The following KIF1A variants were observed in gnomAD, a reference collection of about 807,000 sequenced individuals.
KIF1A encodes the protein kinesin family member 1A, also known as kinesin-like protein KIF1A.
Under a neutral mutation model 227.3 loss-of-function variants are expected in KIF1A, and 46 were observed. The observed-to-expected ratio is 0.20, with a 90% CI of 0.16 to 0.26. The LOEUF is 0.26. Among genes scored for constraint, KIF1A ranks in the 10% least tolerant of loss-of-function variants. KIF1A has a pLI of 1.00. For missense variants in KIF1A, 1,683 were observed against 2,485.9 expected (o/e 0.68, Z 6.87); for synonymous variants, 1,022 against 1,012.8 (o/e 1.01, Z -0.17).
chr2:240,725,499 A>G lies in KIF1A; in HGVS notation c.4123-95T>C. ...CCTGGGGGCACAATGCCCAGCACCGACAGGCAGCCCCAGGGCCTTCCCAGG... is the reference window on the plus strand; with the variant it reads ...CCTGGGGGCACAATGCCCAGCACCGGCAGGCAGCCCCAGGGCCTTCCCAGG... On this transcript the variant is annotated intron_variant, in intron 39 of 48. Transcript: ENST00000498729. This position sits in a 1 kb window ranked among gnomAD's most constrained non-coding sequence, Gnocchi z 5.8. 4 of 1,415,430 alleles carry G rather than the reference A, an allele frequency of 2.8e-6. No homozygotes were observed. In the South Asian group the frequency reaches 3.9e-5, roughly 14 times the overall value. The allele number at this position is 1,415,430 out of a possible 1,614,324, so 87.7% of individuals were successfully genotyped here. A position where few individuals can be genotyped will look rare whatever the true frequency, so the allele number is the denominator to read the frequency against.
intron 38 of KIF1A, among the ~76,000 whole-genome samples, chr2:240,733,578 C>T (rs1252025255): frequency 2.0e-5 from 3 of 152,166 alleles, no homozygotes; most frequent in Non-Finnish European, 4.4e-5. Flanking sequence ...GACTCTGGCC[C>T]GGCCACCCCT....
chr2:240,780,816 ACACACACACAGCTC>A (rs1438138040), intron 10 of KIF1A, among the ~76,000 whole-genome samples: 63 of 113,330 alleles, frequency 5.6e-4, no homozygotes, highest in African/African-American at 2.7e-3. Context: ...ACACACACAC[ACACACACACAGCTC>A]CACACACACA....
intron 47 of KIF1A, among the ~76,000 whole-genome samples, chr2:240,718,476 C>G (rs186218508): frequency 6.8e-4 from 103 of 152,332 alleles, no homozygotes; most frequent in African/African-American, 2.4e-3. Context: ...TGGGTTCACA[C>G]CACCCACTCC....
intron 17 of KIF1A, among the ~76,000 whole-genome samples, chr2:240,767,673 T>G (rs1040469570): frequency 6.6e-6 from 1 of 152,244 alleles, no homozygotes; most frequent in Non-Finnish European, 1.5e-5. Flanking sequence ...GTGGGGGCCC[T>G]GGGGCCCTCT....
intron 1 of KIF1A, among the ~76,000 whole-genome samples, chr2:240,798,488 T>C (rs2056645739): frequency 6.6e-6 from 1 of 152,200 alleles, no homozygotes; most frequent in Admixed American, 6.5e-5. Flanking sequence ...GGGAATTCGG[T>C]ACAAGCCAGG....
intron 10 of KIF1A, among the ~76,000 whole-genome samples, chr2:240,781,469 A>AGCTC (rs2053987653): frequency 1.7e-5 from 2 of 115,070 alleles, no homozygotes; most frequent in Non-Finnish European, 3.7e-5. Context: ...AGCTCCACAC[A>AGCTC]CACACACACA....
Position 240,766,749 on chromosome 2 carries a change from T to TCTCACACACA in KIF1A, c.1684+165_1684+166insTGTGTGTGAG, listed in dbSNP as rs1454271542. On this transcript the variant is annotated intron_variant, in intron 19 of 48. Transcript: ENST00000498729. This position sits in a 1 kb window ranked among gnomAD's most constrained non-coding sequence, Gnocchi z 5.0. Reference sequence around the variant, plus strand: ...CTCTCTCTCTCTCTCTCTCTCTCTCTCACACACACACACACACACACACAC... The same window carrying TCTCACACACA: ...CTCTCTCTCTCTCTCTCTCTCTCTCTCTCACACACACACACACACACACACACACACACAC... Among the ~76,000 whole-genome samples, 29 of 109,016 alleles carry TCTCACACACA rather than the reference T, an allele frequency of 2.7e-4. 1 individual carries two copies. The highest frequency in any genetic ancestry group is 1.1e-3 in the African/African-American group (27 of 24,162). 71.5% of individuals were successfully genotyped at this position (109,016 alleles called of 152,430 possible). A position where few individuals can be genotyped will look rare whatever the true frequency, so the allele number is the denominator to read the frequency against.
Position 240,783,781 on chromosome 2 carries a change from G to A in KIF1A, c.756C>T (p.Ser252=), listed in dbSNP as rs555641774. The A allele has an allele frequency of 3.8e-5, 60 of 1,588,774 alleles. No individual in the cohort carries two copies. The highest frequency in any genetic ancestry group is 1.9e-4 in the Admixed American group (11 of 57,162). ...SKISLVDLAG[S]ERADSTGAKG... is the part of the protein sequence containing the mutation. ...TGGCTCCCGTGGAGTCAGCCCGCTC[G>A]CTCCCAGCCAGGTCCACCAGGCTGA... Residue 252 remains serine, a synonymous_variant, in exon 8 of 49, where the codon AGC becomes AGT. Transcript: ENST00000498729.
intron 13 of KIF1A, 49 bp downstream of exon 13, chr2:240,773,065 G>A (rs2052226097): frequency 6.5e-7 from 1 of 1,545,138 alleles, no homozygotes; most frequent in African/African-American, 1.4e-5. Context: ...AGGCCCCTGA[G>A]CCTGAGGCCC....
In KIF1A at chr2:240,721,723, T is replaced by A. The variant is rs995287045; in HGVS notation, c.4743+84A>T. The A allele has an allele frequency of 4.5e-6, 5 of 1,111,424 alleles. No individual in the cohort carries two copies. The African/African-American group carries it at 7.7e-5, about 17-fold the overall frequency. The allele number at this position is 1,111,424 out of a possible 1,614,324, so 68.8% of individuals were successfully genotyped here. On this transcript the variant is annotated intron_variant, in intron 44 of 48. Coordinates refer to ENST00000498729, the MANE Select transcript of KIF1A (RefSeq NM_001244008.2). ...AAACTCTTAACTGCCTTTTCCCACTTGGAATGGGAGTTTTCCTCAGGGACC... is the reference window on the plus strand; with the variant it reads ...AAACTCTTAACTGCCTTTTCCCACTAGGAATGGGAGTTTTCCTCAGGGACC...
intron 23 of KIF1A, among the ~76,000 whole-genome samples, chr2:240,761,753 A>G (rs914629303): frequency 6.6e-6 from 1 of 152,200 alleles, no homozygotes; most frequent in Non-Finnish European, 1.5e-5. Context: ...GCATGCCCCA[A>G]AGGAGAGGCC....
intron 13 of KIF1A, 143 bp from the exon 14 acceptor site, chr2:240,772,739 C>T: frequency 2.9e-6 from 2 of 689,018 alleles, no homozygotes; most frequent in South Asian, 1.8e-5. Flanking sequence ...TGAAGGTCTT[C>T]AGCTCCAGAA....
intron 8 of KIF1A, 45 bp downstream of exon 8, chr2:240,783,694 G>A: frequency 6.7e-7 from 1 of 1,484,994 alleles, no homozygotes; most frequent in Non-Finnish European, 9.2e-7. Flanking sequence ...CTCTGGAGCA[G>A]GCCAAATGTG....
chr2:240,766,949 G>A lies in KIF1A; in HGVS notation c.1650C>T (p.Cys550=), dbSNP rs542025698. Residue 550 remains cysteine, a synonymous_variant, in exon 19 of 49, where the codon TGC becomes TGT. Transcript: ENST00000498729. This position sits in a 1 kb window ranked among gnomAD's most constrained non-coding sequence, Gnocchi z 5.0. ...LSGHFIKEEH[C]VFRSDSRGGS... is the part of the protein sequence containing the mutation. The stretch of plus-strand genomic sequence containing the variant: ...CTCCCCTGGAGTCGCTCCGGAAGAC[G>A]CAGTGCTCCTCCTTGATGAAGTGCC... 11 of 1,611,892 alleles carry A rather than the reference G, an allele frequency of 6.8e-6. No individual in the cohort carries two copies. The highest frequency in any genetic ancestry group is 1.7e-5 in the Admixed American group (1 of 59,896).
chr2:240,786,835 C>CCAGCATCAGGACCCCTGAG (rs1310781016), intron 5 of KIF1A, among the ~76,000 whole-genome samples: 2 of 151,846 alleles, frequency 1.3e-5, no homozygotes, highest in African/African-American at 4.8e-5. Flanking sequence ...AGGGTGGGGG[C>CCAGCATCAGGACCCCTGAG]TGCCTGCTGA....
intron 1 of KIF1A, among the ~76,000 whole-genome samples, chr2:240,815,876 G>A (rs2058278543): frequency 1.3e-5 from 2 of 152,168 alleles, no homozygotes; most frequent in South Asian, 2.1e-4. Flanking sequence ...CGAGCCAAGC[G>A]GTGCTGTTCT....
At chr2:240,734,618 A>G (rs2047109254) in intron 38 of KIF1A, 1 of 739,888 alleles carries the variant, frequency 1.4e-6, no homozygotes. Context: ...GGAAGCTGGA[A>G]GTTAACTTCT....
At chr2:240,813,732 G>A (rs116763619) in intron 1 of KIF1A, among the ~76,000 whole-genome samples, 9,448 of 150,966 alleles carry the variant, frequency 0.063, 391 homozygotes, top group Non-Finnish European at 0.094. Flanking sequence ...CAGCCCTGCC[G>A]CTCCCGCCAA....
intron 42 of KIF1A, 68 bp downstream of exon 42, chr2:240,723,345 G>C (rs2045629549): frequency 6.9e-7 from 1 of 1,443,958 alleles, no homozygotes; most frequent in South Asian, 1.4e-5. Flanking sequence ...GCCCTCTCCA[G>C]CTTTTGCTCT....
Sources: allele counts gnomAD v4.1 joint callset (sites outside exome capture counted in the v4.1 genomes callset), GRCh38; gene constraint gnomAD v4.1.1; non-coding constraint Gnocchi (gnomAD v3.1); transcripts MANE v1.5; gene names NCBI Gene and HGNC (gene_info 2026-07-23, HGNC 2026-07-21).